EFCAB6: variants seen among roughly 807,000 people sequenced by gnomAD.
EFCAB6 encodes EF-hand calcium-binding domain-containing protein 6.
EFCAB6 carries 156 observed loss-of-function variants against 169.8 expected under a neutral mutation model. The ratio of observed to expected loss-of-function variants is 0.92; its 90% CI spans 0.81 to 1.05. EFCAB6 has a LOEUF of 1.05. Ranked by LOEUF, EFCAB6 falls within the 50% of genes least tolerant of loss-of-function variation. The pLI is 0.00. For synonymous variants in EFCAB6, 698 were observed against 676.4 expected (o/e 1.03, Z -0.50); for missense variants, 1,800 against 1,829.1 (o/e 0.98, Z 0.29).
intron 8 of EFCAB6, among the ~76,000 whole-genome samples, chr22:43,722,485 C>G (rs1569441531): frequency 6.6e-6 from 1 of 150,928 alleles, no homozygotes; most frequent in African/African-American, 2.4e-5. Flanking sequence ...GAGCCGGGAT[C>G]GCGCTGCTGC....
intron 26 of EFCAB6, among the ~76,000 whole-genome samples, chr22:43,556,180 G>T (rs1237290900): frequency 6.6e-6 from 1 of 152,132 alleles, no homozygotes; most frequent in African/African-American, 2.4e-5. Context: ...GAATGGGGCA[G>T]CAGAGTCTTG....
intron 2 of EFCAB6, among the ~76,000 whole-genome samples, chr22:43,805,646 GGT>G (rs2062890872): frequency 6.6e-6 from 1 of 152,098 alleles, no homozygotes; most frequent in Non-Finnish European, 1.5e-5. Context: ...AGATCAGTAA[GGT>G]GACTATAGAT....
Position 43,782,323 on chromosome 22 carries a change from T to A in EFCAB6, c.-5A>T. The A allele has an allele frequency of 1.2e-6, 2 of 1,611,156 alleles. No homozygotes were observed. The highest frequency in any genetic ancestry group is 1.7e-6 in the Non-Finnish European group (2 of 1,179,226). ...TATAATCGCCATTTTGCACATTAAA[T>A]CCCTGTGATATAAAAGAAAACAGAT... On this transcript the variant is annotated splice_region_variant and 5_prime_UTR_variant, in exon 3 of 32. Transcript: ENST00000262726.
intron 17 of EFCAB6, among the ~76,000 whole-genome samples, chr22:43,645,944 C>T (rs1569309409): frequency 6.6e-6 from 1 of 152,258 alleles, no homozygotes; most frequent in East Asian, 1.9e-4. Flanking sequence ...ATAACTAATG[C>T]ATTGACCAGA....
At chr22:43,717,893 A>G (rs2147448734) in intron 8 of EFCAB6, among the ~76,000 whole-genome samples, 1 of 152,362 alleles carries the variant, frequency 6.6e-6, no homozygotes, top group East Asian at 1.9e-4. Flanking sequence ...TGGTCCATCA[A>G]GCCTATGAAA....
intron 25 of EFCAB6, among the ~76,000 whole-genome samples, chr22:43,579,650 G>C (rs886695621): frequency 3.3e-5 from 5 of 149,534 alleles, no homozygotes; most frequent in African/African-American, 1.2e-4. Flanking sequence ...ATACATATAG[G>C]CATCATTCCG....
At chr22:43,652,137 T>A (rs777889164) in intron 17 of EFCAB6, among the ~76,000 whole-genome samples, 14 of 152,224 alleles carry the variant, frequency 9.2e-5, no homozygotes, top group Non-Finnish European at 1.9e-4. Context: ...ATGGTTTAGC[T>A]GTGTCCCCAC....
chr22:43,776,040 C>T (rs890321434), intron 3 of EFCAB6, among the ~76,000 whole-genome samples: 3 of 152,188 alleles, frequency 2.0e-5, no homozygotes, highest in African/African-American at 4.8e-5. Flanking sequence ...ATGTTTAGGG[C>T]ATTTGCACAC....
At chr22:43,679,495 G>C (rs2057916548) in intron 12 of EFCAB6, among the ~76,000 whole-genome samples, 1 of 152,170 alleles carries the variant, frequency 6.6e-6, no homozygotes, top group Non-Finnish European at 1.5e-5. Context: ...CTCTTGGGCA[G>C]ATACTTAGGA....
chr22:43,750,150 T>C (rs574385185), intron 6 of EFCAB6, among the ~76,000 whole-genome samples: 34 of 152,282 alleles, frequency 2.2e-4, no homozygotes, highest in Non-Finnish European at 3.4e-4. Flanking sequence ...TCCGAAATAA[T>C]TGCAAATTCT....
intron 10 of EFCAB6, among the ~76,000 whole-genome samples, chr22:43,703,710 T>C (rs1054988052): frequency 4.0e-5 from 6 of 148,240 alleles, no homozygotes; most frequent in African/African-American, 1.3e-4. Context: ...ATACAATAAC[T>C]GAACTGAAAA....
chr22:43,674,292 T>C (rs770216299), intron 13 of EFCAB6, among the ~76,000 whole-genome samples: 1 of 152,228 alleles, frequency 6.6e-6, no homozygotes, highest in African/African-American at 2.4e-5. Flanking sequence ...ATTCATTCAA[T>C]AGATTGTGTG....
At chr22:43,780,811 C>T (rs1242926365) in intron 3 of EFCAB6, among the ~76,000 whole-genome samples, 1 of 152,158 alleles carries the variant, frequency 6.6e-6, no homozygotes, top group African/African-American at 2.4e-5. Context: ...TGGTTCAAGT[C>T]CTGCCAGTTG....
chr22:43,809,227 T>C (rs2063023066), intron 1 of EFCAB6, 96 bp from the exon 2 acceptor site: 1 of 152,224 alleles, frequency 6.6e-6, no homozygotes, highest in Non-Finnish European at 1.5e-5. Context: ...TTTTATTACC[T>C]TCTATTTTTT....
chr22:43,629,642 G>T (rs1195073557), intron 19 of EFCAB6, among the ~76,000 whole-genome samples: 2 of 152,170 alleles, frequency 1.3e-5, no homozygotes, highest in East Asian at 3.9e-4. Flanking sequence ...TGAGGGACGT[G>T]AGGAGAGAGG....
chr22:43,749,340 C>T (rs1005537283), intron 6 of EFCAB6, among the ~76,000 whole-genome samples: 1 of 152,096 alleles, frequency 6.6e-6, no homozygotes, highest in Non-Finnish European at 1.5e-5. Context: ...CGTGGGCACC[C>T]TCAGCATATA....
At chr22:43,754,806 A>T (rs953190727) in intron 6 of EFCAB6, among the ~76,000 whole-genome samples, 1 of 152,244 alleles carries the variant, frequency 6.6e-6, no homozygotes, top group Non-Finnish European at 1.5e-5. Flanking sequence ...TGATGAACAC[A>T]GTTTAAAGAG....
chr22:43,609,704 T>C (rs2053171708), intron 21 of EFCAB6, among the ~76,000 whole-genome samples: 1 of 152,172 alleles, frequency 6.6e-6, no homozygotes, highest in Non-Finnish European at 1.5e-5. Context: ...AACTCAAATA[T>C]AATAGTAAAG....
At chr22:43,611,013 T>C (rs1431377958) in intron 21 of EFCAB6, among the ~76,000 whole-genome samples, 2 of 152,202 alleles carry the variant, frequency 1.3e-5, no homozygotes, top group Admixed American at 1.3e-4. Flanking sequence ...TACAGGAACT[T>C]ATGTCAGAAA....
Sources: allele counts gnomAD v4.1 joint callset (sites outside exome capture counted in the v4.1 genomes callset), GRCh38; gene constraint gnomAD v4.1.1; transcripts MANE v1.5; gene names NCBI Gene and HGNC (gene_info 2026-07-23, HGNC 2026-07-21).